The following DYNC2H1 variants were observed in gnomAD, a reference collection of about 807,000 sequenced individuals.
DYNC2H1 encodes the protein cytoplasmic dynein 2 heavy chain 1.
DYNC2H1 carries 410 observed loss-of-function variants against 570.0 expected under a neutral mutation model. The ratio of observed to expected loss-of-function variants is 0.72; its 90% CI spans 0.66 to 0.78. The LOEUF (loss-of-function observed/expected upper bound fraction) is 0.78, where lower values mean the gene tolerates loss of function less well. Among genes scored for constraint, DYNC2H1 ranks in the 30% least tolerant of loss-of-function variants. The probability of loss-of-function intolerance (pLI) is 0.00; values close to 1 mark genes in which losing one functional copy is unlikely to be tolerated. For synonymous variants in DYNC2H1, 1,688 were observed against 1,677.6 expected, an observed-to-expected ratio of 1.01 and a Z score of -0.15; for missense variants, 4,865 against 5,046.4, an observed-to-expected ratio of 0.96 and a Z score of 1.09.
chr11:103,373,818 G>A (rs1372243339), intron 83 of DYNC2H1, among the ~76,000 whole-genome samples: 1 of 152,072 alleles, frequency 6.6e-6, no homozygotes, highest in Non-Finnish European at 1.5e-5. Context: ...TTCAGTGTCT[G>A]TTTCCTTGTA....
intron 31 of DYNC2H1, 90 bp from the exon 32 acceptor site, chr11:103,168,665 A>G: frequency 7.6e-7 from 1 of 1,316,622 alleles, no homozygotes. Context: ...ATTTAAATTC[A>G]TGGAGAAATC....
intron 88 of DYNC2H1, among the ~76,000 whole-genome samples, chr11:103,471,170 T>C (rs1396832782): frequency 1.3e-5 from 2 of 152,212 alleles, no homozygotes; most frequent in Non-Finnish European, 2.9e-5. Flanking sequence ...TGGCCAGTGA[T>C]GATATTTTTC....
intron 84 of DYNC2H1, among the ~76,000 whole-genome samples, chr11:103,400,955 T>A (rs1488175592): frequency 6.6e-6 from 1 of 152,232 alleles, no homozygotes; most frequent in East Asian, 1.9e-4. Context: ...TACTATAGTT[T>A]TGATTTGTAC....
In DYNC2H1 at chr11:103,363,937, A is replaced by G. The variant is rs967384143; in HGVS notation, c.12156+5578A>G. ...TGACAGATAGCATTATGACTTCCCA[A>G]TGTAATAGGAGTCTTTTTTCCATAT... On this transcript the variant is annotated intron_variant, in intron 83 of 88. Transcript: ENST00000375735. The surrounding 1 kb of genome is among the most constrained non-coding windows in gnomAD (Gnocchi z 5.6). Among the ~76,000 whole-genome samples the G allele has an allele frequency of 6.6e-5, 10 of 152,134 alleles. No homozygotes were observed. Among genetic ancestry groups the G allele is most frequent in the African/African-American group, 1.7e-4 (7 of 41,420 alleles).
chr11:103,255,711 T>A (rs1017201131), intron 67 of DYNC2H1, among the ~76,000 whole-genome samples, 177 bp downstream of exon 67: 18 of 152,102 alleles, frequency 1.2e-4, no homozygotes, highest in Non-Finnish European at 2.1e-4. Flanking sequence ...GAATACAAGA[T>A]CTTAATGAGC....
At chr11:103,418,096 A>G (rs1037448952) in intron 84 of DYNC2H1, among the ~76,000 whole-genome samples, 2 of 152,118 alleles carry the variant, frequency 1.3e-5, no homozygotes, top group African/African-American at 4.8e-5. Context: ...GTAAAAGACT[A>G]TATGCTTTCC....
intron 75 of DYNC2H1, among the ~76,000 whole-genome samples, chr11:103,295,016 T>C (rs770602539): frequency 6.6e-6 from 1 of 152,186 alleles, no homozygotes; most frequent in Non-Finnish European, 1.5e-5. Flanking sequence ...GGAGTGGTGA[T>C]GCAAGTACTC....
chr11:103,193,929 T>C (rs1862416664), intron 47 of DYNC2H1, among the ~76,000 whole-genome samples: 1 of 152,190 alleles, frequency 6.6e-6, no homozygotes, highest in African/African-American at 2.4e-5. Flanking sequence ...ATAAGCTTAT[T>C]AAGAAAAATT....
intron 84 of DYNC2H1, among the ~76,000 whole-genome samples, chr11:103,412,822 T>C (rs950161025): frequency 6.6e-6 from 1 of 152,302 alleles, no homozygotes; most frequent in Admixed American, 6.5e-5. Context: ...TATAGAACTT[T>C]ATTATATAAT....
Position 103,446,859 on chromosome 11 carries a change from G to A in DYNC2H1, c.12457-8327G>A, listed in dbSNP as rs1944440097. Among the ~76,000 whole-genome samples, 1 of 152,044 alleles carries A rather than the reference G, an allele frequency of 6.6e-6. No individual in the cohort carries two copies. The highest frequency in any genetic ancestry group is 1.5e-5 in the Non-Finnish European group (1 of 68,002). ...GGAGCTTGAACTATTCACAAAATAA[G>A]TTATAGTTATAAATTATTATTAATA... On this transcript the variant is annotated intron_variant, in intron 85 of 88. Coordinates refer to ENST00000375735, the MANE Select transcript of DYNC2H1 (RefSeq NM_001377.3). The surrounding 1 kb of genome is among the most constrained non-coding windows in gnomAD (Gnocchi z 4.5).
rs574185041 is a variant in DYNC2H1 at position 103,271,458 on chromosome 11, G to T, written c.10696-8890G>T. ...TTAAAGCATGACTTCTCTTCACAAG[G>T]TAACATTTCTTTTATACTTTTCATT... On this transcript the variant is annotated intron_variant, in intron 70 of 88. Coordinates refer to ENST00000375735, the MANE Select transcript of DYNC2H1 (RefSeq NM_001377.3). 4.6e-5 allele frequency among the ~76,000 whole-genome samples: 7 copies of T among 152,280 alleles called. No homozygotes were observed. The South Asian group carries it at 1.2e-3, about 27-fold the overall frequency.
chr11:103,140,090 A>C (rs915787708), intron 17 of DYNC2H1, among the ~76,000 whole-genome samples: 1 of 151,820 alleles, frequency 6.6e-6, no homozygotes, highest in Non-Finnish European at 1.5e-5. Context: ...CCATCCTTTT[A>C]TTTTGAGCCT....
At chr11:103,168,630 C>T in intron 31 of DYNC2H1, 125 bp from the exon 32 acceptor site, 3 of 971,672 alleles carry the variant, frequency 3.1e-6, no homozygotes, top group East Asian at 2.7e-5. Context: ...ATTACTATAC[C>T]ATTCATATGT....
chr11:103,215,718 T>G lies in DYNC2H1; in HGVS notation c.8695-3T>G. 1 of 1,593,536 alleles carries G rather than the reference T, an allele frequency of 6.3e-7. No individual in the cohort carries two copies. ...ATTGCCGATCAATATTTTATTGATGTAGGCTGGTGTATCTAAACTAAATGA... is the reference window on the plus strand; with the variant it reads ...ATTGCCGATCAATATTTTATTGATGGAGGCTGGTGTATCTAAACTAAATGA... On this transcript the variant is annotated splice_polypyrimidine_tract_variant and splice_region_variant and intron_variant, in intron 54 of 88. Transcript: ENST00000375735.
intron 84 of DYNC2H1, among the ~76,000 whole-genome samples, chr11:103,421,326 C>T (rs775382146): frequency 4.7e-4 from 72 of 152,070 alleles, no homozygotes; most frequent in Admixed American, 3.8e-3. Context: ...TATTCAGGAC[C>T]TGAACTCAGC....
intron 25 of DYNC2H1, 106 bp downstream of exon 25, chr11:103,155,607 A>C: frequency 9.0e-7 from 1 of 1,106,908 alleles, no homozygotes; most frequent in Non-Finnish European, 1.2e-6. Context: ...TAAGGGAATC[A>C]GCTTTCATCA....
At chr11:103,474,897 T>A (rs980304190) in intron 88 of DYNC2H1, among the ~76,000 whole-genome samples, 1 of 152,142 alleles carries the variant, frequency 6.6e-6, no homozygotes, top group Non-Finnish European at 1.5e-5. Context: ...CTTTGAAAAT[T>A]GCATTGTCTT....
In DYNC2H1 at chr11:103,116,510, G is replaced by T; in HGVS notation, c.622-60G>T. 2.2e-6 allele frequency: 3 copies of T among 1,342,784 alleles called. No homozygotes were observed. The South Asian group carries it at 5.4e-5, about 24-fold the overall frequency. The allele number at this position is 1,342,784 out of a possible 1,614,324, so 83.2% of individuals were successfully genotyped here. A position where few individuals can be genotyped will look rare whatever the true frequency, so the allele number is the denominator to read the frequency against. On this transcript the variant is annotated intron_variant, in intron 4 of 88. Coordinates refer to ENST00000375735, the MANE Select transcript of DYNC2H1 (RefSeq NM_001377.3). ...AGTTGAAAAGGCCTGGGAACATTTT[G>T]ATTATATTACCCAAGGTACAAATAT...
rs986806761 is a variant in DYNC2H1, at chr11:103,129,889, T to C, written c.1953+884T>C. Among the ~76,000 whole-genome samples the C allele has an allele frequency of 1.3e-5, 2 of 152,160 alleles. No individual in the cohort carries two copies. The highest frequency in any genetic ancestry group is 2.9e-5 in the Non-Finnish European group (2 of 68,034). The stretch of plus-strand genomic sequence containing the variant: ...TGGATAACTAGTTGTGTCAGGATCC[T>C]CAGGACCACCCCAGATTCTTTGATT... On this transcript the variant is annotated intron_variant, in intron 13 of 88. Coordinates refer to ENST00000375735, the MANE Select transcript of DYNC2H1 (RefSeq NM_001377.3). The surrounding 1 kb of genome is among the most constrained non-coding windows in gnomAD (Gnocchi z 4.1).
Sources: allele counts gnomAD v4.1 joint callset (sites outside exome capture counted in the v4.1 genomes callset), GRCh38; gene constraint gnomAD v4.1.1; non-coding constraint Gnocchi (gnomAD v3.1); transcripts MANE v1.5; gene names NCBI Gene and HGNC (gene_info 2026-07-23, HGNC 2026-07-21).